Variants in BASP1 observed in about 807,000 individuals in gnomAD.
BASP1 encodes brain abundant membrane attached signal protein 1.
Under a neutral mutation model 2.2 loss-of-function variants are expected in BASP1, and 1 was observed. The ratio of observed to expected loss-of-function variants is 0.46; its 90% CI spans 0.16 to 2.17. The LOEUF is 2.17. BASP1 is among the 30% of genes most tolerant of loss of function. The probability of loss-of-function intolerance (pLI) is 0.27; values close to 1 mark genes in which losing one functional copy is unlikely to be tolerated. For missense variants in BASP1, 352 were observed against 327.2 expected (o/e 1.08, Z -0.58); for synonymous variants, 187 against 154.2 (o/e 1.21, Z -1.58).
At chr5:17,221,199 TTCCCATTTA>T (rs1447281379) in intron 1 of BASP1, among the ~76,000 whole-genome samples, 2 of 152,198 alleles carry the variant, frequency 1.3e-5, no homozygotes, top group Admixed American at 1.3e-4. Flanking sequence ...ATAAGCTCAC[TTCCCATTTA>T]TCCCAGTGTA....
intron 1 of BASP1, among the ~76,000 whole-genome samples, chr5:17,239,587 A>G (rs527429655): frequency 1.2e-4 from 19 of 152,296 alleles, no homozygotes; most frequent in African/African-American, 4.1e-4. Flanking sequence ...CAATGTCAGG[A>G]TGTGTTTAAA....
chr5:17,275,161 A>G lies in BASP1; in HGVS notation c.-9-47A>G, dbSNP rs145961515. On this transcript the variant is annotated intron_variant, in intron 1 of 1. Coordinates refer to ENST00000322611, the MANE Select transcript of BASP1 (RefSeq NM_006317.5). The surrounding 1 kb of genome is among the most constrained non-coding windows in gnomAD (Gnocchi z 5.3). ...AAATGCAGCTTTTTGTGGTCCCCAC[A>G]CTTGCCTAGTAACCGCCGTTTTGTT... The G allele has an allele frequency of 6.3e-7, 1 of 1,594,850 alleles. No individual in the cohort carries two copies. Among genetic ancestry groups the G allele is most frequent in the Non-Finnish European group, 8.6e-7 (1 of 1,167,636 alleles).
intron 1 of BASP1, among the ~76,000 whole-genome samples, chr5:17,234,691 A>G (rs1739707443): frequency 6.6e-6 from 1 of 152,240 alleles, no homozygotes; most frequent in African/African-American, 2.4e-5. Flanking sequence ...AGTAGCTTAC[A>G]GTGGGTGAAG....
At chr5:17,244,479 G>A (rs1370259221) in intron 1 of BASP1, among the ~76,000 whole-genome samples, 4 of 152,106 alleles carry the variant, frequency 2.6e-5, no homozygotes, top group Non-Finnish European at 5.9e-5. Flanking sequence ...GACTGGGCAC[G>A]GCCAGAGGAA....
chr5:17,239,351 C>T (rs977583634), intron 1 of BASP1, among the ~76,000 whole-genome samples: 35 of 152,186 alleles, frequency 2.3e-4, no homozygotes, highest in African/African-American at 7.0e-4. Context: ...CCTCAGCCTC[C>T]CAAAGTGCGG....
chr5:17,249,117 A>G (rs1018346257), intron 1 of BASP1, among the ~76,000 whole-genome samples: 2 of 152,022 alleles, frequency 1.3e-5, no homozygotes, highest in African/African-American at 2.4e-5. Flanking sequence ...TGAGATCTCA[A>G]ACTTTTACAC....
rs369558531 is a variant in BASP1, at chr5:17,275,455, A to T, written c.239A>T (p.Glu80Val). The part of the protein sequence containing the change: ...EGEKDAAAAK[E>V]EAPKAEPEKT... ...GAGAAGGACGCGGCGGCTGCCAAGGAGGAGGCCCCGAAGGCGGAGCCCGAG... is the reference window on the plus strand; with the variant it reads ...GAGAAGGACGCGGCGGCTGCCAAGGTGGAGGCCCCGAAGGCGGAGCCCGAG... Residue 80 changes from glutamate (E) to valine (V), a missense_variant, in exon 2 of 2, where the codon GAG becomes GTG. Coordinates refer to ENST00000322611, the MANE Select transcript of BASP1 (RefSeq NM_006317.5). The surrounding 1 kb of genome is among the most constrained non-coding windows in gnomAD (Gnocchi z 5.3). 2 of 1,514,402 alleles carry T rather than the reference A, an allele frequency of 1.3e-6. No individual in the cohort carries two copies. The highest frequency in any genetic ancestry group is 1.4e-5 in the African/African-American group (1 of 71,238). 93.8% of individuals were successfully genotyped at this position (1,514,402 alleles called of 1,614,324 possible).
At chr5:17,265,828 G>T (rs574222454) in intron 1 of BASP1, among the ~76,000 whole-genome samples, 2 of 152,256 alleles carry the variant, frequency 1.3e-5, no homozygotes, top group South Asian at 4.1e-4. Flanking sequence ...TGATATATAG[G>T]GTTGTGTCTT....
At position 17,275,874 on chromosome 5, in the gene BASP1, G is replaced by C. The variant is rs1174816224; in HGVS notation, c.658G>C (p.Asp220His). The C allele has an allele frequency of 6.3e-7, 1 of 1,596,198 alleles. No homozygotes were observed. The highest frequency in any genetic ancestry group is 8.5e-7 in the Non-Finnish European group (1 of 1,172,720). ...GGTGGAGGCCCCGGCAGCTAATTCC[G>C]ACCAAACCGTAACCGTGAAAGAGTG... The part of the protein sequence containing the change: ...KPVEAPAANS[D>H]QTVTVKE The change falls in exon 2 of 2, where the codon GAC becomes CAC. Residue 220 changes from aspartate (D) to histidine (H), a missense_variant. By Grantham distance (81) the Asp-to-His change is moderately conservative. Coordinates refer to ENST00000322611, the MANE Select transcript of BASP1 (RefSeq NM_006317.5). This position sits in a 1 kb window ranked among gnomAD's most constrained non-coding sequence, Gnocchi z 5.3.
intron 1 of BASP1, among the ~76,000 whole-genome samples, chr5:17,243,224 C>A (rs1739906136): frequency 6.6e-6 from 1 of 151,904 alleles, no homozygotes; most frequent in South Asian, 2.1e-4. Flanking sequence ...TCTTGACTCA[C>A]TGCAACCTCC....
At chr5:17,265,796 A>G (rs1382864155) in intron 1 of BASP1, among the ~76,000 whole-genome samples, 1 of 152,230 alleles carries the variant, frequency 6.6e-6, no homozygotes, top group African/African-American at 2.4e-5. Flanking sequence ...CTTCCAGCTC[A>G]AATGTTAATT....
intron 1 of BASP1, among the ~76,000 whole-genome samples, chr5:17,241,134 C>T (rs1437160335): frequency 6.9e-6 from 1 of 144,596 alleles, no homozygotes; most frequent in Non-Finnish European, 1.5e-5. Flanking sequence ...GAGTTTTGCT[C>T]TGTTGCCCAG....
At chr5:17,263,382 G>C (rs1579500232) in intron 1 of BASP1, among the ~76,000 whole-genome samples, 2 of 152,022 alleles carry the variant, frequency 1.3e-5, no homozygotes, top group African/African-American at 4.8e-5. Context: ...TGATCCTCTT[G>C]CTTCGGCCTC....
At chr5:17,238,366 C>A (rs1047320206) in intron 1 of BASP1, among the ~76,000 whole-genome samples, 1 of 152,132 alleles carries the variant, frequency 6.6e-6, no homozygotes, top group Admixed American at 6.6e-5. Flanking sequence ...TCTCCCTCCC[C>A]TCCCTTTCAA....
At position 17,269,172 on chromosome 5, in the gene BASP1, A is replaced by G. The variant is rs781027957; in HGVS notation, c.-9-6036A>G. 9.7e-4 allele frequency among the ~76,000 whole-genome samples: 148 copies of G among 152,334 alleles called. 1 individual carries two copies. The highest frequency in any genetic ancestry group is 2.6e-4 in the Non-Finnish European group (18 of 68,012). Reference sequence around the variant, plus strand: ...GAAGTTGCTCTTTTATGGCCTTCCTAGGCATGAAGAAGTTAGAGAAACTTG... The same window carrying G: ...GAAGTTGCTCTTTTATGGCCTTCCTGGGCATGAAGAAGTTAGAGAAACTTG... On this transcript the variant is annotated intron_variant, in intron 1 of 1. Transcript: ENST00000322611.
chr5:17,220,324 G>A (rs573337829), intron 1 of BASP1, among the ~76,000 whole-genome samples: 2 of 152,210 alleles, frequency 1.3e-5, no homozygotes, highest in Admixed American at 1.3e-4. Context: ...GATTTAGAGA[G>A]CTACGTTCTT....
At chr5:17,242,591 A>G (rs1739889431) in intron 1 of BASP1, among the ~76,000 whole-genome samples, 1 of 152,226 alleles carries the variant, frequency 6.6e-6, no homozygotes, top group Non-Finnish European at 1.5e-5. Context: ...ATCTCCAATT[A>G]GAGTAGCATA....
chr5:17,230,652 C>T (rs970022306), intron 1 of BASP1, among the ~76,000 whole-genome samples: 1 of 152,054 alleles, frequency 6.6e-6, no homozygotes, highest in Non-Finnish European at 1.5e-5. Flanking sequence ...CAACCTCCGC[C>T]TCCCGAGTTC....
intron 1 of BASP1, among the ~76,000 whole-genome samples, chr5:17,249,125 C>T (rs1009835882): frequency 6.6e-6 from 1 of 152,036 alleles, no homozygotes; most frequent in Non-Finnish European, 1.5e-5. Flanking sequence ...CAAACTTTTA[C>T]ACTTTCATGG....
Sources: gnomAD v4.1 joint callset for allele counts (sites outside exome capture counted in the v4.1 genomes callset) on GRCh38, gnomAD v4.1.1 for gene constraint, Gnocchi (gnomAD v3.1) non-coding constraint, MANE v1.5 for transcripts, NCBI Gene and HGNC (gene_info 2026-07-23, HGNC 2026-07-21) for gene names.